The following ESRRG variants were observed in gnomAD, a reference collection of about 807,000 sequenced individuals.
The protein encoded by ESRRG is estrogen-related receptor gamma.
Under a neutral mutation model 44.0 loss-of-function variants are expected in ESRRG, and 13 were observed. The observed-to-expected ratio is 0.30, with a 90% CI of 0.19 to 0.47. ESRRG has a LOEUF of 0.47. ESRRG is among the 20% of genes least tolerant of loss of function. ESRRG has a pLI of 1.00. For synonymous variants in ESRRG, 215 were observed against 214.6 expected (o/e 1.00, Z -0.02); for missense variants, 395 against 580.6 (o/e 0.68, Z 3.29).
At chr1:216,550,168 G>T (rs2055843211) in intron 5 of ESRRG, among the ~76,000 whole-genome samples, 1 of 152,146 alleles carries the variant, frequency 6.6e-6, no homozygotes, top group African/African-American at 2.4e-5. Flanking sequence ...TGTCTGGAAT[G>T]AACTGAAATA....
At chr1:216,823,797 A>C (rs11572582) in intron 2 of ESRRG, among the ~76,000 whole-genome samples, 1,676 of 152,252 alleles carry the variant, frequency 0.011, 12 homozygotes, top group Non-Finnish European at 0.017. Flanking sequence ...TTTCTCAGGA[A>C]AATTTCAAAA....
chr1:216,673,347 C>T (rs920445444), intron 2 of ESRRG, among the ~76,000 whole-genome samples: 1 of 152,198 alleles, frequency 6.6e-6, no homozygotes, highest in Non-Finnish European at 1.5e-5. Context: ...TGCCTCACTG[C>T]CTTTTTGGGG....
At chr1:217,064,755 G>A (rs527400017) in intron 1 of ESRRG, among the ~76,000 whole-genome samples, 47 of 152,256 alleles carry the variant, frequency 3.1e-4, no homozygotes, top group African/African-American at 8.4e-4. Context: ...AGAGAAGCCC[G>A]CTATGAGTAA....
At chr1:216,899,641 G>T (rs1049171824) in intron 2 of ESRRG, among the ~76,000 whole-genome samples, 3 of 152,216 alleles carry the variant, frequency 2.0e-5, no homozygotes, top group Non-Finnish European at 1.5e-5. Flanking sequence ...TAGGGGCTCT[G>T]CATAAGCCCT....
At chr1:216,547,290 T>G (rs542587241) in intron 5 of ESRRG, among the ~76,000 whole-genome samples, 1 of 146,390 alleles carries the variant, frequency 6.8e-6, no homozygotes, top group East Asian at 2.0e-4. Flanking sequence ...CCAAAATCCA[T>G]TCTGGATTGG....
At chr1:216,647,072 G>C (rs1167085442) in intron 3 of ESRRG, among the ~76,000 whole-genome samples, 2 of 152,074 alleles carry the variant, frequency 1.3e-5, no homozygotes, top group African/African-American at 2.4e-5. Context: ...AACTGAGCTA[G>C]TATGTCCTGC....
At chr1:216,654,207 AG>A (rs1411611962) in intron 2 of ESRRG, among the ~76,000 whole-genome samples, 1 of 152,100 alleles carries the variant, frequency 6.6e-6, no homozygotes, top group African/African-American at 2.4e-5. Flanking sequence ...TTCTTATCTC[AG>A]GGTCATTATT....
chr1:216,953,552 C>T (rs1312053168), intron 1 of ESRRG, among the ~76,000 whole-genome samples: 1 of 151,920 alleles, frequency 6.6e-6, no homozygotes, highest in Non-Finnish European at 1.5e-5. Context: ...TTTTCTGTTC[C>T]CTATCCCCGA....
chr1:216,799,832 G>T (rs1299465291), intron 2 of ESRRG, among the ~76,000 whole-genome samples: 1 of 151,964 alleles, frequency 6.6e-6, no homozygotes, highest in South Asian at 2.1e-4. Flanking sequence ...CACGGGACTG[G>T]GTGAATTTAT....
intron 1 of ESRRG, among the ~76,000 whole-genome samples, chr1:217,098,107 G>A (rs1401721477): frequency 6.6e-6 from 1 of 152,102 alleles, no homozygotes; most frequent in African/African-American, 2.4e-5. Flanking sequence ...TTCATGGACT[G>A]GAGCCTGATG....
At chr1:217,042,327 A>G (rs970330902) in intron 1 of ESRRG, among the ~76,000 whole-genome samples, 1 of 152,172 alleles carries the variant, frequency 6.6e-6, no homozygotes, top group Non-Finnish European at 1.5e-5. Context: ...CCTTGTCCCA[A>G]ATAACAACTG....
intron 1 of ESRRG, among the ~76,000 whole-genome samples, chr1:217,006,640 G>A (rs547899252): frequency 6.6e-6 from 1 of 152,226 alleles, no homozygotes; most frequent in African/African-American, 2.4e-5. Flanking sequence ...TGGGACTCAA[G>A]TCTAAACACA....
In ESRRG at chr1:216,760,978, G is replaced by A. The variant is rs145251173; in HGVS notation, c.-13-83487C>T. Among the ~76,000 whole-genome samples, 651 of 152,092 alleles carry A rather than the reference G, an allele frequency of 4.3e-3. 8 individuals are homozygous for A. Among genetic ancestry groups the A allele is most frequent in the African/African-American group, 0.015 (607 of 41,516 alleles). ...TCCTTTCAAGGGCTGCAAGTCTCTC[G>A]TTTGCTCAGTCTCCTTTGTTCATAT... On this transcript the variant is annotated intron_variant, in intron 2 of 7. Transcript: ENST00000359162.
At chr1:216,680,454 T>C (rs1429618153) in intron 1 of ESRRG, among the ~76,000 whole-genome samples, 1 of 152,122 alleles carries the variant, frequency 6.6e-6, no homozygotes, top group Non-Finnish European at 1.5e-5. Context: ...TTTTAATAAA[T>C]AAGCAAGCAA....
At chr1:216,558,823 C>T (rs1230862845) in intron 5 of ESRRG, among the ~76,000 whole-genome samples, 1 of 151,836 alleles carries the variant, frequency 6.6e-6, no homozygotes, top group African/African-American at 2.4e-5. Flanking sequence ...TAAAAATAAC[C>T]TTTAAATATT....
intron 1 of ESRRG, among the ~76,000 whole-genome samples, chr1:217,068,272 C>T (rs181983220): frequency 1.3e-5 from 2 of 152,174 alleles, no homozygotes; most frequent in East Asian, 1.9e-4. Context: ...TTTAATTCTT[C>T]AATTGAGGAC....
intron 1 of ESRRG, among the ~76,000 whole-genome samples, chr1:216,942,224 G>A (rs71643429): frequency 0.04 from 6,034 of 152,218 alleles, 166 homozygotes; most frequent in Non-Finnish European, 0.05. Flanking sequence ...CTGCATCCAC[G>A]TTGCTGCAAA....
intron 1 of ESRRG, among the ~76,000 whole-genome samples, chr1:216,992,674 A>C (rs926293874): frequency 6.6e-6 from 1 of 152,242 alleles, no homozygotes; most frequent in Non-Finnish European, 1.5e-5. Context: ...ATTATTTGTA[A>C]ACATAGATAT....
intron 2 of ESRRG, among the ~76,000 whole-genome samples, chr1:216,860,254 A>G (rs192721583): frequency 1.5e-3 from 225 of 152,254 alleles, no homozygotes; most frequent in African/African-American, 4.1e-3. Context: ...ACAGAGCGAG[A>G]CTCTGTCAAA....
Sources: allele counts gnomAD v4.1 joint callset (sites outside exome capture counted in the v4.1 genomes callset), GRCh38; gene constraint gnomAD v4.1.1; transcripts MANE v1.5; gene names NCBI Gene and HGNC (gene_info 2026-07-23, HGNC 2026-07-21).